The following DGKD variants were observed in gnomAD, a reference collection of about 807,000 sequenced individuals.
DGKD encodes DAG kinase delta.
Under a neutral mutation model 154.4 loss-of-function variants are expected in DGKD, and 68 were observed. The ratio of observed to expected loss-of-function variants is 0.44; its 90% CI spans 0.36 to 0.54. The LOEUF is 0.54. Among genes scored for constraint, DGKD ranks in the 20% least tolerant of loss-of-function variants. The pLI, the probability that DGKD is intolerant of heterozygous loss-of-function variation, is 0.00. For synonymous variants in DGKD, 693 were observed against 638.0 expected (o/e 1.09, Z -1.30); for missense variants, 1,343 against 1,593.6 (o/e 0.84, Z 2.68).
At chr2:233,392,774 C>T (rs1341781375) in intron 3 of DGKD, among the ~76,000 whole-genome samples, 2 of 152,042 alleles carry the variant, frequency 1.3e-5, no homozygotes, top group African/African-American at 4.8e-5. Context: ...TTTTTTGAAC[C>T]TTTTCACTTT....
intron 1 of DGKD, among the ~76,000 whole-genome samples, chr2:233,366,443 G>T (rs1211568481): frequency 1.3e-5 from 2 of 152,150 alleles, no homozygotes; most frequent in Non-Finnish European, 2.9e-5. Flanking sequence ...GGTGTTGGGG[G>T]AGAGGAGGTT....
At chr2:233,402,108 G>A (rs28444082) in intron 3 of DGKD, among the ~76,000 whole-genome samples, 14,686 of 151,834 alleles carry the variant, frequency 0.097, 771 homozygotes, top group African/African-American at 0.15. Flanking sequence ...CTGGTCTCTG[G>A]GGGTCTGTTT....
chr2:233,386,372 T>C (rs1703179226), intron 1 of DGKD, among the ~76,000 whole-genome samples: 1 of 152,244 alleles, frequency 6.6e-6, no homozygotes, highest in Non-Finnish European at 1.5e-5. Context: ...TGTACTTGGA[T>C]GTGAAAAGGA....
chr2:233,409,895 A>G (rs761823488), intron 3 of DGKD, among the ~76,000 whole-genome samples: 3 of 146,498 alleles, frequency 2.0e-5, no homozygotes, highest in African/African-American at 5.0e-5. Flanking sequence ...GGTCTGGTGT[A>G]GAATGTGCCC....
Position 233,458,115 on chromosome 2 carries a change from AG to A in DGKD, c.2581-167del. 1 of 532,494 alleles carries A rather than the reference AG, an allele frequency of 1.9e-6. No homozygotes were observed. Among genetic ancestry groups the A allele is most frequent in the Non-Finnish European group, 3.4e-6 (1 of 294,588 alleles). 33.0% of individuals were successfully genotyped at this position (532,494 alleles called of 1,614,324 possible). A position where few individuals can be genotyped will look rare whatever the true frequency, so the allele number is the denominator to read the frequency against. The stretch of plus-strand genomic sequence containing the variant: ...GAGATGAGAGCTGGGATTTGGTCCC[AG>A]GCAGCTGGTTTCAGGGCCTGCAACA... On this transcript the variant is annotated intron_variant, in intron 21 of 29. Transcript: ENST00000264057. The surrounding 1 kb of genome is among the most constrained non-coding windows in gnomAD (Gnocchi z 6.6).
At chr2:233,373,842 A>G (rs966615277) in intron 1 of DGKD, among the ~76,000 whole-genome samples, 1 of 11,522 alleles carries the variant, frequency 8.7e-5, no homozygotes, top group African/African-American at 1.5e-3. Flanking sequence ...TTCTTTAGAT[A>G]ATGTTCATAA....
intron 1 of DGKD, among the ~76,000 whole-genome samples, chr2:233,357,869 G>T (rs549558827): frequency 6.6e-6 from 1 of 152,286 alleles, no homozygotes; most frequent in East Asian, 1.9e-4. Flanking sequence ...CCCAGAAGAT[G>T]CTGATGCTGC....
chr2:233,433,357 A>G (rs879808044), intron 3 of DGKD, among the ~76,000 whole-genome samples: 1 of 152,118 alleles, frequency 6.6e-6, no homozygotes, highest in Non-Finnish European at 1.5e-5. Flanking sequence ...CAAACTTCAC[A>G]TGTTCTTATT....
chr2:233,390,235 G>A (rs1703507293), intron 2 of DGKD, among the ~76,000 whole-genome samples, 168 bp from the exon 3 acceptor site: 2 of 152,144 alleles, frequency 1.3e-5, no homozygotes, highest in African/African-American at 4.8e-5. Context: ...GAAGCAGGTG[G>A]GTGGGTTAAT....
intron 3 of DGKD, among the ~76,000 whole-genome samples, chr2:233,420,494 A>G (rs74608404): frequency 0.025 from 3,841 of 152,132 alleles, 70 homozygotes; most frequent in Middle Eastern, 0.078. Flanking sequence ...GGGGCATCCT[A>G]ACTTTGGTGT....
At chr2:233,400,434 C>T (rs944061475) in intron 3 of DGKD, among the ~76,000 whole-genome samples, 18 of 152,208 alleles carry the variant, frequency 1.2e-4, no homozygotes, top group Non-Finnish European at 2.2e-4. Flanking sequence ...ACACCCAGTG[C>T]CCACTGCCCT....
chr2:233,438,317 A>T lies in DGKD; in HGVS notation c.1023A>T (p.Arg341Ser). The part of the protein sequence containing the change: ...GDNQGVKFLR[R>S]FKQLLNPAQV... ...ACCAGGGTGTGAAGTTCCTCAGAAG[A>T]TTCAAACAGCTACTAAACCCCGCCC... Residue 341 changes from arginine to serine, a missense_variant, in exon 9 of 30, where the codon AGA (arginine) becomes AGT (serine). This residue lies in a region of DGKD where 56 missense variants were observed against 111.1 expected (regional missense o/e 0.50). Transcript: ENST00000264057. This position sits in a 1 kb window ranked among gnomAD's most constrained non-coding sequence, Gnocchi z 4.1. 1 of 1,614,218 alleles carries T rather than the reference A, an allele frequency of 6.2e-7. No homozygotes were observed. Among genetic ancestry groups the T allele is most frequent in the Non-Finnish European group, 8.5e-7 (1 of 1,180,034 alleles).
At chr2:233,467,753 T>C (rs936946727) in intron 28 of DGKD, among the ~76,000 whole-genome samples, 1 of 152,232 alleles carries the variant, frequency 6.6e-6, no homozygotes, top group African/African-American at 2.4e-5. Context: ...TATCCAGTGC[T>C]GTCAGGGGCT....
chr2:233,437,658 G>A (rs891252989), intron 8 of DGKD, among the ~76,000 whole-genome samples, 179 bp downstream of exon 8: 5 of 152,212 alleles, frequency 3.3e-5, no homozygotes, highest in Admixed American at 6.5e-5. Context: ...CTGATGCTGC[G>A]GCATTGCCCT....
In DGKD at chr2:233,469,514, C is replaced by A; in HGVS notation, c.*54C>A. The A allele has an allele frequency of 6.7e-7, 1 of 1,492,340 alleles. No homozygotes were observed. Among genetic ancestry groups the A allele is most frequent in the Non-Finnish European group, 9.1e-7 (1 of 1,095,392 alleles). 92.4% of individuals were successfully genotyped at this position (1,492,340 alleles called of 1,614,324 possible). A position where few individuals can be genotyped will look rare whatever the true frequency, so the allele number is the denominator to read the frequency against. ...CATCCCCGCCGCCGAGGCCTAGCCTCCGCCCTCTCAGCCTGTGGCCTCTGC... is the reference window on the plus strand; with the variant it reads ...CATCCCCGCCGCCGAGGCCTAGCCTACGCCCTCTCAGCCTGTGGCCTCTGC... On this transcript the variant is annotated 3_prime_UTR_variant, in exon 30 of 30. Coordinates refer to ENST00000264057, the MANE Select transcript of DGKD (RefSeq NM_152879.3).
At chr2:233,428,691 G>T (rs1437617126) in intron 3 of DGKD, among the ~76,000 whole-genome samples, 1 of 152,174 alleles carries the variant, frequency 6.6e-6, no homozygotes, top group Non-Finnish European at 1.5e-5. Flanking sequence ...CAGGCCCTGT[G>T]CACATTTGGT....
At chr2:233,370,570 C>CTTTTTTTTTTT (rs56301429) in intron 1 of DGKD, among the ~76,000 whole-genome samples, 1 of 123,344 alleles carries the variant, frequency 8.1e-6, no homozygotes, top group Non-Finnish European at 1.7e-5. Flanking sequence ...AGAACTTCTT[C>CTTTTTTTTTTT]TTTTTTTTTT....
At position 233,441,414 on chromosome 2, in the gene DGKD, A is replaced by T. The variant is rs991676895; in HGVS notation, c.1086-473A>T. Among the ~76,000 whole-genome samples, 10 of 152,104 alleles carry T rather than the reference A, an allele frequency of 6.6e-5. No homozygotes were observed. The highest frequency in any genetic ancestry group is 2.4e-4 in the African/African-American group (10 of 41,422). ...GCCAGACTGTGGCCCAGGGCCGGGG[A>T]GTGCCAAGACTGAGGGTGCAGGGTG... On this transcript the variant is annotated intron_variant, in intron 9 of 29. Transcript: ENST00000264057. This position sits in a 1 kb window ranked among gnomAD's most constrained non-coding sequence, Gnocchi z 5.6.
chr2:233,468,506 G>A lies in DGKD; in HGVS notation c.3508G>A (p.Asp1170Asn). 6.2e-7 allele frequency: 1 copy of A among 1,613,722 alleles called. No homozygotes were observed. The highest frequency in any genetic ancestry group is 8.5e-7 in the Non-Finnish European group (1 of 1,179,960). The change falls in exon 29 of 30, where the codon GAC (aspartate) becomes AAC (asparagine). Residue 1170 changes from aspartate to asparagine, a missense_variant. Coordinates refer to ENST00000264057, the MANE Select transcript of DGKD (RefSeq NM_152879.3). ...GTATAAGGACATCTTCACACGGCAC[G>A]ACATCCGGGGCTCTGAGCTCCTGCA... ...CEYKDIFTRH[D>N]IRGSELLHLE...
Sources: allele counts gnomAD v4.1 joint callset (sites outside exome capture counted in the v4.1 genomes callset), GRCh38; gene constraint gnomAD v4.1.1; regional missense constraint gnomAD v4.1.1; non-coding constraint Gnocchi (gnomAD v3.1); transcripts MANE v1.5; gene names NCBI Gene and HGNC (gene_info 2026-07-23, HGNC 2026-07-21).